Variants in ZNF365 observed in about 807,000 individuals in gnomAD.
ZNF365 encodes the protein zinc finger protein 365.
Under a neutral mutation model 35.0 loss-of-function variants are expected in ZNF365, and 22 were observed. That is an observed-to-expected ratio of 0.63 (90% confidence interval 0.45 to 0.90). The LOEUF (loss-of-function observed/expected upper bound fraction) is 0.90, where lower values mean the gene tolerates loss of function less well. ZNF365 is among the 40% of genes least tolerant of loss of function. The pLI is 0.00. For synonymous variants in ZNF365, 188 were observed against 196.2 expected, an observed-to-expected ratio of 0.96 and a Z score of 0.35; for missense variants, 448 against 500.3, an observed-to-expected ratio of 0.90 and a Z score of 1.00.
chr10:62,434,938 T>C (rs139100264), intron 3 of ZNF365, among the ~76,000 whole-genome samples: 2,500 of 152,312 alleles, frequency 0.016, 32 homozygotes, highest in South Asian at 0.053. Flanking sequence ...AATCCTCCCA[T>C]GCATCAGACA....
At chr10:62,382,022 A>G (rs1839447980) in intron 2 of ZNF365, among the ~76,000 whole-genome samples, 1 of 152,226 alleles carries the variant, frequency 6.6e-6, no homozygotes, top group South Asian at 2.1e-4. Context: ...TTTATAAACC[A>G]GAAGGGAAAT....
At chr10:62,446,209 T>C (rs561992835) in intron 3 of ZNF365, among the ~76,000 whole-genome samples, 21 of 152,250 alleles carry the variant, frequency 1.4e-4, no homozygotes, top group African/African-American at 5.1e-4. Flanking sequence ...CAAATTCAGG[T>C]TTCCAGTCCC....
At chr10:62,388,958 G>A (rs898210936) in intron 3 of ZNF365, among the ~76,000 whole-genome samples, 1 of 152,134 alleles carries the variant, frequency 6.6e-6, no homozygotes, top group Non-Finnish European at 1.5e-5. Flanking sequence ...AGAATCTTAC[G>A]AAATTCAGTA....
At chr10:62,416,697 T>C (rs969582175) in intron 3 of ZNF365, among the ~76,000 whole-genome samples, 29 of 152,080 alleles carry the variant, frequency 1.9e-4, no homozygotes, top group African/African-American at 6.8e-4. Flanking sequence ...AGAAGTGTTT[T>C]GGATTTTGGT....
chr10:62,419,347 T>A (rs1329971747), intron 3 of ZNF365, among the ~76,000 whole-genome samples: 2 of 152,182 alleles, frequency 1.3e-5, no homozygotes, highest in East Asian at 3.9e-4. Flanking sequence ...TATTTATCAA[T>A]CTAAAAGGAA....
chr10:62,383,673 T>C lies in ZNF365; in HGVS notation c.744-4723T>C, dbSNP rs574608100. Among the ~76,000 whole-genome samples, 6 of 152,362 alleles carry C rather than the reference T, an allele frequency of 3.9e-5. No homozygotes were observed. In the East Asian group the frequency reaches 1.2e-3, roughly 29 times the overall value. On this transcript the variant is annotated intron_variant, in intron 2 of 4. Transcript: ENST00000395254. Reference sequence around the variant, plus strand: ...GTGCGTGAACGCATATTTCCATTACTCTCTGCACATGCTTCTAGGGTGTAT... The same window carrying C: ...GTGCGTGAACGCATATTTCCATTACCCTCTGCACATGCTTCTAGGGTGTAT...
At chr10:62,469,449 A>G (rs1840997820) in intron 4 of ZNF365, among the ~76,000 whole-genome samples, 3 of 152,230 alleles carry the variant, frequency 2.0e-5, no homozygotes, top group Non-Finnish European at 2.9e-5. Flanking sequence ...CTGCACTGAC[A>G]CAGTTAAATA....
chr10:62,471,196 C>A lies in ZNF365; in HGVS notation c.982-8680C>A, dbSNP rs183338341. ...CCTGGCTAACATGGTGAAACCCTGTCTCTACTAAAAATACAAAAAACTGGC... is the reference window on the plus strand; with the variant it reads ...CCTGGCTAACATGGTGAAACCCTGTATCTACTAAAAATACAAAAAACTGGC... On this transcript the variant is annotated intron_variant, in intron 4 of 4. Transcript: ENST00000395255. Among the ~76,000 whole-genome samples, 793 of 151,896 alleles carry A rather than the reference C, an allele frequency of 5.2e-3. 7 individuals carry two copies. The highest frequency in any genetic ancestry group is 0.018 in the African/African-American group (747 of 41,398).
At chr10:62,450,918 C>T (rs1435930652) in intron 3 of ZNF365, among the ~76,000 whole-genome samples, 1 of 152,210 alleles carries the variant, frequency 6.6e-6, no homozygotes, top group African/African-American at 2.4e-5. Flanking sequence ...GTATTCATCA[C>T]ATATAGTTAA....
intron 4 of ZNF365, among the ~76,000 whole-genome samples, chr10:62,465,798 C>G (rs968300984): frequency 2.6e-5 from 4 of 152,172 alleles, no homozygotes; most frequent in Admixed American, 2.0e-4. Context: ...GTGAAAGGAG[C>G]TGTAACACGT....
At chr10:62,404,076 T>C (rs2132433528), downstream of ZNF365, among the ~76,000 whole-genome samples, 1 of 152,382 alleles carries the variant, frequency 6.6e-6, no homozygotes, top group Admixed American at 6.5e-5. Context: ...GTATTCGAAC[T>C]ATAGCCCTAT....
At chr10:62,387,729 AT>A (rs1839547714) in intron 2 of ZNF365, among the ~76,000 whole-genome samples, 1 of 152,182 alleles carries the variant, frequency 6.6e-6, no homozygotes, top group Non-Finnish European at 1.5e-5. Flanking sequence ...AAGCTAAAAA[AT>A]ATACTGTTGG....
chr10:62,430,258 T>G (rs1173286802), intron 3 of ZNF365, among the ~76,000 whole-genome samples: 1 of 148,832 alleles, frequency 6.7e-6, no homozygotes, highest in African/African-American at 2.5e-5. Context: ...AAAAGGTTTT[T>G]TTTTTTTTTT....
intron 3 of ZNF365, among the ~76,000 whole-genome samples, chr10:62,448,729 G>A (rs1234973100): frequency 6.6e-6 from 1 of 152,126 alleles, no homozygotes; most frequent in Non-Finnish European, 1.5e-5. Flanking sequence ...TAAGATGAAA[G>A]CATTGGTCTC....
intron 1 of ZNF365, 178 bp from the exon 2 acceptor site, chr10:62,376,003 C>G: frequency 1.6e-6 from 1 of 609,198 alleles, no homozygotes; most frequent in South Asian, 2.2e-5. Flanking sequence ...GTAAATAATG[C>G]AGAAATTGAT....
rs186357198 is a variant in ZNF365, at chr10:62,402,144, C to G, written c.*2355C>G. ...TGGGCCGTTGACCTTAGAGTTAAGGCGGTTGCTTTTTTGAAGAAATCACCA... is the reference window on the plus strand; with the variant it reads ...TGGGCCGTTGACCTTAGAGTTAAGGGGGTTGCTTTTTTGAAGAAATCACCA... On this transcript the variant is annotated 3_prime_UTR_variant, in exon 5 of 5. Coordinates refer to ENST00000395254, the MANE Select transcript of ZNF365 (RefSeq NM_014951.3). The G allele has an allele frequency of 1.0e-6, 1 of 985,784 alleles. No homozygotes were observed. The highest frequency in any genetic ancestry group is 1.2e-6 in the Non-Finnish European group (1 of 829,920). 61.1% of individuals were successfully genotyped at this position (985,784 alleles called of 1,614,324 possible). A position where few individuals can be genotyped will look rare whatever the true frequency, so the allele number is the denominator to read the frequency against.
intron 4 of ZNF365, among the ~76,000 whole-genome samples, chr10:62,472,953 C>T (rs1841067431): frequency 6.6e-6 from 1 of 152,154 alleles, no homozygotes; most frequent in Non-Finnish European, 1.5e-5. Context: ...CTCTACCCCA[C>T]CCCTCCAAGC....
chr10:62,398,920 G>A lies in ZNF365; in HGVS notation c.962+143G>A, dbSNP rs1839776828. On this transcript the variant is annotated intron_variant, in intron 4 of 4. Coordinates refer to ENST00000395254, the MANE Select transcript of ZNF365 (RefSeq NM_014951.3). Reference sequence around the variant, plus strand: ...GGGAGGCTTAAGTGAAAACTGACCTGCATGTGTATCTAACTTTGTGAAAAG... The same window carrying A: ...GGGAGGCTTAAGTGAAAACTGACCTACATGTGTATCTAACTTTGTGAAAAG... The A allele has an allele frequency of 9.2e-6, 7 of 757,154 alleles. No homozygotes were observed. The East Asian group carries it at 1.7e-4, about 18-fold the overall frequency. 46.9% of individuals were successfully genotyped at this position (757,154 alleles called of 1,614,324 possible). A position where few individuals can be genotyped will look rare whatever the true frequency, so the allele number is the denominator to read the frequency against.
At chr10:62,438,154 A>C (rs1197693887) in intron 3 of ZNF365, among the ~76,000 whole-genome samples, 1 of 151,826 alleles carries the variant, frequency 6.6e-6, no homozygotes, top group Non-Finnish European at 1.5e-5. Flanking sequence ...CAGGAATATT[A>C]TATCTGTTTT....
Sources: gnomAD v4.1 joint callset for allele counts (sites outside exome capture counted in the v4.1 genomes callset) on GRCh38, gnomAD v4.1.1 for gene constraint, MANE v1.5 for transcripts, NCBI Gene and HGNC (gene_info 2026-07-23, HGNC 2026-07-21) for gene names.